The following CREBBP variants were observed in gnomAD, a reference collection of about 807,000 sequenced individuals.
CREBBP encodes CREB binding lysine acetyltransferase, also known as CREB-binding protein.
Under a neutral mutation model 265.0 loss-of-function variants are expected in CREBBP, and 19 were observed. The observed-to-expected ratio is 0.07, with a 90% CI of 0.05 to 0.11. The LOEUF (loss-of-function observed/expected upper bound fraction) is 0.11. Ranked by LOEUF, CREBBP falls within the 10% of genes least tolerant of loss-of-function variation. The probability of loss-of-function intolerance (pLI) is 1.00; values close to 1 mark genes in which losing one functional copy is unlikely to be tolerated. For missense variants in CREBBP, 2,525 were observed against 3,219.0 expected, an observed-to-expected ratio of 0.78 and a Z score of 5.22; for synonymous variants, 1,457 against 1,223.7, an observed-to-expected ratio of 1.19 and a Z score of -3.98.
intron 28 of CREBBP, among the ~76,000 whole-genome samples, chr16:3,734,719 A>G (rs927907970): frequency 6.6e-6 from 1 of 151,984 alleles, no homozygotes; most frequent in Non-Finnish European, 1.5e-5. Flanking sequence ...TGTCCTGCGA[A>G]TGACACTCTG....
In CREBBP at chr16:3,773,884, C is replaced by A. The variant is rs2141216523; in HGVS notation, c.2330G>T (p.Gly777Val). The change falls in exon 13 of 31, where the codon GGT becomes GTT. Residue 777 changes from glycine (G) to valine (V), a missense_variant. By Grantham distance (109) the Gly-to-Val change is moderately radical. Coordinates refer to ENST00000262367, the MANE Select transcript of CREBBP (RefSeq NM_004380.3). ...SRMPQPPNMM[G>V]AHTNNMMAQA... ...GGCCATCATGTTGTTGGTGTGTGCA[C>A]CCATCATGTTCGGAGGCTGAGGCAT... The A allele has an allele frequency of 6.2e-7, 1 of 1,612,264 alleles. No individual in the cohort carries two copies. Among genetic ancestry groups the A allele is most frequent in the African/African-American group, 1.3e-5 (1 of 74,944 alleles).
intron 2 of CREBBP, among the ~76,000 whole-genome samples, chr16:3,821,136 A>G (rs1265330087): frequency 6.6e-6 from 1 of 152,240 alleles, no homozygotes; most frequent in Non-Finnish European, 1.5e-5. Context: ...TTCCTTATCT[A>G]TAAAATAGGA....
chr16:3,875,108 T>A (rs1481432394), intron 1 of CREBBP, among the ~76,000 whole-genome samples: 1 of 152,212 alleles, frequency 6.6e-6, no homozygotes, highest in Non-Finnish European at 1.5e-5. Context: ...AGGCGACTAA[T>A]CTAAGCATCA....
At position 3,749,538 on chromosome 16, in the gene CREBBP, T is replaced by C. The variant is rs55695906; in HGVS notation, c.3836+89A>G. Reference sequence around the variant, plus strand: ...TCCACTTACGGCAACATATTTCCAATGTTTTTACCCACAACCCACTCCATA... The same window carrying C: ...TCCACTTACGGCAACATATTTCCAACGTTTTTACCCACAACCCACTCCATA... On this transcript the variant is annotated intron_variant, in intron 21 of 30. Coordinates refer to ENST00000262367, the MANE Select transcript of CREBBP (RefSeq NM_004380.3). The C allele has an allele frequency of 3.2e-5, 27 of 832,990 alleles. No homozygotes were observed. In the Middle Eastern group the frequency reaches 2.9e-3, roughly 90 times the overall value. 51.6% of individuals were successfully genotyped at this position (832,990 alleles called of 1,614,324 possible).
intron 26 of CREBBP, 32 bp from the exon 27 acceptor site, chr16:3,736,847 C>T (rs376318600): frequency 8.1e-6 from 13 of 1,613,526 alleles, no homozygotes; most frequent in East Asian, 4.5e-5. Context: ...GTCAGATGAA[C>T]GTGCCAGTGA....
rs2151310513 is a variant in CREBBP at position 3,729,574 on chromosome 16, G to A, written c.5473C>T (p.Leu1825Phe). The A allele has an allele frequency of 6.2e-7, 1 of 1,614,212 alleles. No homozygotes were observed. The highest frequency in any genetic ancestry group is 8.5e-7 in the Non-Finnish European group (1 of 1,180,020). ...GCPVCKQLIA[L>F]CCYHAKHCQE... ...CAGTGCTTGGCGTGGTAGCAGCAGA[G>A]GGCGATGAGCTGCTTGCACACCGGG... Residue 1825 changes from leucine to phenylalanine, a missense_variant, in exon 31 of 31, where the codon CTC becomes TTC. Coordinates refer to ENST00000262367, the MANE Select transcript of CREBBP (RefSeq NM_004380.3).
intron 26 of CREBBP, 145 bp from the exon 27 acceptor site, chr16:3,736,960 T>C: frequency 9.7e-7 from 1 of 1,029,778 alleles, no homozygotes; most frequent in Non-Finnish European, 1.5e-6. Flanking sequence ...CTGGGTGTGG[T>C]GGGGGCAAGG....
intron 5 of CREBBP, among the ~76,000 whole-genome samples, chr16:3,790,158 C>T (rs934140949): frequency 5.3e-5 from 8 of 152,040 alleles, no homozygotes; most frequent in Admixed American, 5.2e-4. Flanking sequence ...GAAATTTAGC[C>T]ATCACAATAT....
At chr16:3,819,555 C>G (rs2054103440) in intron 2 of CREBBP, among the ~76,000 whole-genome samples, 1 of 152,134 alleles carries the variant, frequency 6.6e-6, no homozygotes, top group Non-Finnish European at 1.5e-5. Flanking sequence ...GAGAGGCCGG[C>G]TGGGATTACT....
chr16:3,742,317 G>C (rs188445163), intron 23 of CREBBP: 8 of 152,352 alleles, frequency 5.3e-5, no homozygotes, highest in Admixed American at 4.6e-4. Flanking sequence ...TTTGGCCACT[G>C]TTCCTACTTT....
At chr16:3,781,345 T>G in intron 6 of CREBBP, 39 bp from the exon 7 acceptor site, 1 of 1,521,166 alleles carries the variant, frequency 6.6e-7, no homozygotes, top group East Asian at 2.3e-5. Flanking sequence ...CAGTTAAATT[T>G]TAATATATAC....
At chr16:3,793,714 C>G in intron 3 of CREBBP, 88 bp from the exon 4 acceptor site, 5 of 1,471,226 alleles carry the variant, frequency 3.4e-6, no homozygotes, top group Non-Finnish European at 3.7e-6. Flanking sequence ...AAAGCAAAAG[C>G]TGATGGATAA....
rs9935312 is a variant in CREBBP, at chr16:3,737,137, T to C, written c.4395-322A>G. The C allele has an allele frequency of 8.2e-3, 3,817 of 463,330 alleles. 116 individuals carry two copies. The highest frequency in any genetic ancestry group is 0.067 in the African/African-American group (3,426 of 50,798). 28.7% of individuals were successfully genotyped at this position (463,330 alleles called of 1,614,324 possible). Reference sequence around the variant, plus strand: ...CAAGGCAATGCCATCCCCTTCCTCCTGTGCACTGTAAAGGCAGTTCGGTTG... The same window carrying C: ...CAAGGCAATGCCATCCCCTTCCTCCCGTGCACTGTAAAGGCAGTTCGGTTG... On this transcript the variant is annotated intron_variant, in intron 26 of 30. Coordinates refer to ENST00000262367, the MANE Select transcript of CREBBP (RefSeq NM_004380.3).
chr16:3,830,399 C>T (rs2054320028), intron 2 of CREBBP, among the ~76,000 whole-genome samples: 1 of 148,480 alleles, frequency 6.7e-6, no homozygotes, highest in Admixed American at 6.7e-5. Context: ...CATCCTGTAT[C>T]AAAACAAAAC....
chr16:3,777,786 C>T, intron 10 of CREBBP, 129 bp from the exon 11 acceptor site: 1 of 1,175,666 alleles, frequency 8.5e-7, no homozygotes, highest in Non-Finnish European at 1.3e-6. Flanking sequence ...GGTCCAAAAG[C>T]ACGTGTGTTC....
At chr16:3,837,742 T>C (rs375867640) in intron 2 of CREBBP, among the ~76,000 whole-genome samples, 5 of 151,950 alleles carry the variant, frequency 3.3e-5, no homozygotes, top group East Asian at 3.8e-4. Flanking sequence ...TAAGTGTTAA[T>C]ACAAAAGAAT....
chr16:3,808,161 G>A (rs1413945736), intron 3 of CREBBP, among the ~76,000 whole-genome samples: 1 of 148,162 alleles, frequency 6.7e-6, no homozygotes, highest in Non-Finnish European at 1.5e-5. Context: ...AAAGAAGGGG[G>A]GGGCAGCGGG....
chr16:3,769,400 A>G (rs2141193338), intron 14 of CREBBP, 47 bp from the exon 15 acceptor site: 2 of 1,607,230 alleles, frequency 1.2e-6, no homozygotes, highest in Non-Finnish European at 1.7e-6. Flanking sequence ...AGGTAACATA[A>G]ATGATCTTCA....
At chr16:3,845,375 G>A (rs549414757) in intron 2 of CREBBP, among the ~76,000 whole-genome samples, 1 of 152,240 alleles carries the variant, frequency 6.6e-6, no homozygotes, top group South Asian at 2.1e-4. Context: ...ACAAGCAAAG[G>A]TCAATGGAAC....
Sources: gnomAD v4.1 joint callset for allele counts (sites outside exome capture counted in the v4.1 genomes callset) on GRCh38, gnomAD v4.1.1 for gene constraint, MANE v1.5 for transcripts, NCBI Gene and HGNC (gene_info 2026-07-23, HGNC 2026-07-21) for gene names.